Variants in CUX1 observed in about 807,000 individuals in gnomAD.
CUX1 encodes cut like homeobox 1.
A neutral mutation model predicts 158.8 loss-of-function variants in CUX1; 31 were observed. That is an observed-to-expected ratio of 0.20 (90% CI 0.15 to 0.26). The LOEUF (loss-of-function observed/expected upper bound fraction) is 0.26. Among genes scored for constraint, CUX1 ranks in the 10% least tolerant of loss-of-function variants. CUX1 has a pLI of 1.00. For synonymous variants in CUX1, 879 were observed against 862.1 expected (o/e 1.02, Z -0.34); for missense variants, 1,589 against 2,014.6 (o/e 0.79, Z 4.04).
chr7:102,179,298 T>G (rs1792763364), intron 11 of CUX1, among the ~76,000 whole-genome samples: 1 of 152,224 alleles, frequency 6.6e-6, no homozygotes, highest in Non-Finnish European at 1.5e-5. Flanking sequence ...TCTGTCCACC[T>G]CAGGTTGCCA....
At chr7:101,976,900 ATTTT>A (rs10643207) in intron 2 of CUX1, among the ~76,000 whole-genome samples, 41 of 39,460 alleles carry the variant, frequency 1.0e-3, no homozygotes, top group South Asian at 3.2e-3. Flanking sequence ...TCCCTTTCTG[ATTTT>A]TTTTTTTTTT....
At chr7:102,115,324 T>A (rs782435522) in intron 8 of CUX1, 51 bp downstream of exon 8, 2 of 1,542,106 alleles carry the variant, frequency 1.3e-6, no homozygotes, top group Non-Finnish European at 1.8e-6. Flanking sequence ...CTCACCTGAT[T>A]TTGCTTGAGT....
chr7:102,227,669 G>C lies in CUX1; in HGVS notation c.3433G>C (p.Gly1145Arg). The C allele has an allele frequency of 6.2e-7, 1 of 1,607,020 alleles. No individual in the cohort carries two copies. Among genetic ancestry groups the C allele is most frequent in the Non-Finnish European group, 8.5e-7 (1 of 1,175,482 alleles). ...VKEVLTDNNL[G>R]QRLFGETILG... ...GGAGGTGCTGACGGACAACAACCTC[G>C]GTAGGTTCTCCTCTCGGCTGCTGAG... The change falls in exon 21 of 24, where the codon GGC becomes CGC. Residue 1145 changes from glycine to arginine, a missense_variant and splice_region_variant. By Grantham distance (125) the Gly-to-Arg change is moderately radical. This residue lies in a region of CUX1 where 259 missense variants were observed against 373.8 expected (regional missense o/e 0.69). Transcript: ENST00000292535.
Position 102,201,784 on chromosome 7 carries a change from G to A in CUX1, c.2487G>A (p.Gln829=), listed in dbSNP as rs782580069. The change falls in exon 18 of 24, where the codon CAG becomes CAA. Residue 829 remains glutamine, a synonymous_variant. Coordinates refer to ENST00000292535, the MANE Select transcript of CUX1 (RefSeq NM_181552.4). The surrounding 1 kb of genome is among the most constrained non-coding windows in gnomAD (Gnocchi z 5.0). ...AWKDHWWSAV[Q]PERRNAASSE... ...AGGACCACTGGTGGAGCGCGGTGCA[G>A]CCGGAGAGAAGAAATGCCGCCTCCT... is the stretch of plus-strand genomic sequence containing the variant. The A allele has an allele frequency of 8.7e-5, 140 of 1,612,634 alleles. No individual in the cohort carries two copies. The highest frequency in any genetic ancestry group is 3.8e-4 in the Admixed American group (23 of 59,998).
chr7:102,018,903 G>A (rs998774726), intron 2 of CUX1, among the ~76,000 whole-genome samples: 7 of 152,110 alleles, frequency 4.6e-5, no homozygotes, highest in Non-Finnish European at 7.4e-5. Context: ...GTACACTTGC[G>A]GGAGAAGGCG....
At chr7:101,936,265 A>T (rs1261331110) in intron 2 of CUX1, among the ~76,000 whole-genome samples, 1 of 151,996 alleles carries the variant, frequency 6.6e-6, no homozygotes, top group Non-Finnish European at 1.5e-5. Context: ...GAGGGCGGGT[A>T]CATCTGTAGA....
At chr7:102,181,121 A>T (rs1395773644) in intron 11 of CUX1, among the ~76,000 whole-genome samples, 1 of 151,670 alleles carries the variant, frequency 6.6e-6, no homozygotes, top group African/African-American at 2.4e-5. Context: ...TTGTATTTTT[A>T]GTAGAGATGG....
intron 6 of CUX1, among the ~76,000 whole-genome samples, chr7:102,110,342 G>GTTCATAT (rs1281548715): frequency 6.6e-6 from 1 of 151,802 alleles, no homozygotes; most frequent in African/African-American, 2.4e-5. Context: ...TTACATATTA[G>GTTCATAT]TTCATATTAA....
At position 101,832,888 on chromosome 7, in the gene CUX1, C is replaced by T. The variant is rs567097662; in HGVS notation, c.30+15219C>T. ...CTGGTCCCCATCTTACCAGGAGCAG[C>T]GCCATGGCCATGCAGGGAGGGGCCG... On this transcript the variant is annotated intron_variant, in intron 1 of 23. Transcript: ENST00000292535. 5.1e-4 allele frequency among the ~76,000 whole-genome samples: 77 copies of T among 151,900 alleles called. 3 individuals are homozygous for T. The South Asian group carries it at 0.013, about 25-fold the overall frequency.
At chr7:101,915,050 G>A (rs1405341686) in intron 1 of CUX1, among the ~76,000 whole-genome samples, 1 of 152,128 alleles carries the variant, frequency 6.6e-6, no homozygotes, top group Non-Finnish European at 1.5e-5. Flanking sequence ...GTTCAGCTCT[G>A]CTTGGACTCA....
At position 102,249,071 on chromosome 7, in the gene CUX1, G is replaced by A. The variant is rs1366260687; in HGVS notation, c.*29G>A. 3 of 1,259,714 alleles carry A rather than the reference G, an allele frequency of 2.4e-6. No individual in the cohort carries two copies. The African/African-American group carries it at 4.7e-5, about 20-fold the overall frequency. 78.0% of individuals were successfully genotyped at this position (1,259,714 alleles called of 1,614,324 possible). On this transcript the variant is annotated 3_prime_UTR_variant, in exon 24 of 24. Transcript: ENST00000292535. ...GCCGCGGCCCTGGGGCGGGCAGCCA[G>A]GCTGGGCCGCAAGGGCCTGGACGGG...
At chr7:101,904,063 T>TG (rs1389659114) in intron 1 of CUX1, among the ~76,000 whole-genome samples, 1 of 150,816 alleles carries the variant, frequency 6.6e-6, no homozygotes, top group African/African-American at 2.4e-5. Context: ...GAGGCTGAGG[T>TG]GGGGGGCGGT....
intron 3 of CUX1, among the ~76,000 whole-genome samples, chr7:102,031,349 C>T (rs1375523486): frequency 1.3e-5 from 2 of 152,150 alleles, no homozygotes; most frequent in Non-Finnish European, 2.9e-5. Context: ...AGGCATGAGC[C>T]ACCGCGCCTG....
rs1401370070 is a variant in CUX1 at position 102,178,410 on chromosome 7, A to G, written c.829-59A>G. ...TTCTGTCTCAGTTGCCAGCACAGGT[A>G]GCCTCGAGCACCCGCCTCAAGGCCA... On this transcript the variant is annotated intron_variant, in intron 10 of 23. Coordinates refer to ENST00000292535, the MANE Select transcript of CUX1 (RefSeq NM_181552.4). 2.0e-5 allele frequency: 30 copies of G among 1,479,356 alleles called. No homozygotes were observed. The African/African-American group carries it at 2.5e-4, about 12-fold the overall frequency. The allele number at this position is 1,479,356 out of a possible 1,614,324, so 91.6% of individuals were successfully genotyped here.
In CUX1 at chr7:102,248,633, C is replaced by G; in HGVS notation, c.4109C>G (p.Ala1370Gly). The G allele has an allele frequency of 7.2e-7, 1 of 1,397,454 alleles. No individual in the cohort carries two copies. The highest frequency in any genetic ancestry group is 9.3e-7 in the Non-Finnish European group (1 of 1,080,436). The allele number at this position is 1,397,454 out of a possible 1,614,324, so 86.6% of individuals were successfully genotyped here. Residue 1370 changes from alanine (A) to glycine (G), a missense_variant, in exon 24 of 24, where the codon GCG becomes GGG. Ala to Gly is a moderately conservative substitution (Grantham distance 60, BLOSUM62 0). Around this residue, in one of 8 missense-constraint regions of CUX1, gnomAD observed 344 missense variants for 323.7 expected, o/e 1.06. Coordinates refer to ENST00000292535, the MANE Select transcript of CUX1 (RefSeq NM_181552.4). This position sits in a 1 kb window ranked among gnomAD's most constrained non-coding sequence, Gnocchi z 5.8. ...EAEREEVPRP[A>G]EQTEPPPSGT... is the part of the protein sequence containing the mutation. ...GAGCGGGAGGAGGTGCCGCGGCCGG[C>G]GGAGCAGACGGAGCCGCCGCCCTCG...
chr7:102,258,289 A>G, downstream of CUX1: 1 of 705,240 alleles, frequency 1.4e-6, no homozygotes, highest in Non-Finnish European at 1.7e-6. Context: ...AGCAGCAAAC[A>G]CTGTCATTCG....
intron 2 of CUX1, among the ~76,000 whole-genome samples, chr7:101,986,564 G>C (rs1000668080): frequency 1.3e-5 from 2 of 152,178 alleles, no homozygotes; most frequent in Admixed American, 6.5e-5. Flanking sequence ...GCCCATCGCT[G>C]TGTTGGTGAG....
chr7:101,846,040 C>A (rs1795660275), intron 1 of CUX1, among the ~76,000 whole-genome samples: 1 of 151,956 alleles, frequency 6.6e-6, no homozygotes, highest in African/African-American at 2.4e-5. Flanking sequence ...GGCTCTCAGG[C>A]CCCACCCCAG....
chr7:102,076,550 C>T (rs79837702), intron 4 of CUX1, among the ~76,000 whole-genome samples: 1,553 of 152,038 alleles, frequency 0.01, 30 homozygotes, highest in African/African-American at 0.036. Context: ...TAGTCAGTTT[C>T]GCGAGTACTA....
Sources: gnomAD v4.1 joint callset for allele counts (sites outside exome capture counted in the v4.1 genomes callset) on GRCh38, gnomAD v4.1.1 for gene constraint, gnomAD v4.1.1 regional missense constraint, Gnocchi (gnomAD v3.1) non-coding constraint, MANE v1.5 for transcripts, NCBI Gene and HGNC (gene_info 2026-07-23, HGNC 2026-07-21) for gene names.